The following FGF12 variants were observed in gnomAD, a reference collection of about 807,000 sequenced individuals.
FGF12 encodes the protein fibroblast growth factor 12B.
Under a neutral mutation model 23.6 loss-of-function variants are expected in FGF12, and 14 were observed. The ratio of observed to expected loss-of-function variants is 0.59; its 90% CI spans 0.39 to 0.93. FGF12 has a LOEUF of 0.93. FGF12 is among the 40% of genes least tolerant of loss of function. The pLI is 0.00. For missense variants in FGF12, 175 were observed against 217.8 expected (o/e 0.80, Z 1.24); for synonymous variants, 62 against 77.3 (o/e 0.80, Z 1.04).
chr3:192,234,667 A>G (rs1457378829), intron 4 of FGF12, among the ~76,000 whole-genome samples: 1 of 151,946 alleles, frequency 6.6e-6, no homozygotes, highest in African/African-American at 2.4e-5. Flanking sequence ...GATGCTGGCC[A>G]TGGGTTTGTC....
At chr3:192,619,226 T>C (rs1381333022) in intron 2 of FGF12, among the ~76,000 whole-genome samples, 2 of 152,004 alleles carry the variant, frequency 1.3e-5, no homozygotes, top group Non-Finnish European at 2.9e-5. Context: ...TATTCCTCCT[T>C]CCTCCCCTGA....
At chr3:192,473,619 T>G (rs1373484732) in intron 2 of FGF12, among the ~76,000 whole-genome samples, 1 of 152,194 alleles carries the variant, frequency 6.6e-6, no homozygotes, top group East Asian at 1.9e-4. Context: ...GTATTTTGGG[T>G]TACTGTCCTG....
chr3:192,377,028 T>TC (rs1469505071), intron 2 of FGF12, among the ~76,000 whole-genome samples: 2 of 152,230 alleles, frequency 1.3e-5, no homozygotes, highest in African/African-American at 4.8e-5. Flanking sequence ...AGACTGGAAT[T>TC]CCAACTTAAC....
chr3:192,660,679 A>C (rs1716631417), intron 2 of FGF12, among the ~76,000 whole-genome samples: 1 of 152,206 alleles, frequency 6.6e-6, no homozygotes, highest in Non-Finnish European at 1.5e-5. Flanking sequence ...TCAGAGCCAA[A>C]GAAGTATCTT....
At chr3:192,527,383 C>T (rs1332831554) in intron 2 of FGF12, among the ~76,000 whole-genome samples, 2 of 152,122 alleles carry the variant, frequency 1.3e-5, no homozygotes, top group Non-Finnish European at 2.9e-5. Flanking sequence ...AGACAAAGAC[C>T]TGGGAGAAGA....
intron 2 of FGF12, among the ~76,000 whole-genome samples, chr3:192,568,932 G>T (rs1001859281): frequency 6.6e-6 from 1 of 152,084 alleles, no homozygotes; most frequent in Non-Finnish European, 1.5e-5. Flanking sequence ...CAACTTAAGG[G>T]TGTCCTTCAT....
intron 4 of FGF12, among the ~76,000 whole-genome samples, chr3:192,199,036 T>G (rs1717223936): frequency 6.6e-6 from 1 of 152,244 alleles, no homozygotes; most frequent in South Asian, 2.1e-4. Context: ...GTAAGCTAAT[T>G]TAGCTCTTCT....
chr3:192,421,230 T>A (rs1721517927), intron 2 of FGF12, among the ~76,000 whole-genome samples: 1 of 152,118 alleles, frequency 6.6e-6, no homozygotes, highest in Admixed American at 6.5e-5. Flanking sequence ...CCTCTGTACA[T>A]CAATTTACTC....
intron 5 of FGF12, among the ~76,000 whole-genome samples, chr3:192,150,772 TGG>T (rs1394879461): frequency 6.8e-6 from 1 of 147,780 alleles, no homozygotes; most frequent in Non-Finnish European, 1.5e-5. Flanking sequence ...TTTGCTCTTT[TGG>T]CTTAGGATTG....
chr3:192,533,351 G>A (rs918664262), intron 2 of FGF12, among the ~76,000 whole-genome samples: 2 of 152,118 alleles, frequency 1.3e-5, no homozygotes, highest in African/African-American at 4.8e-5. Context: ...GGGGAACAAG[G>A]TGGTATTTTT....
chr3:192,545,018 T>A lies in FGF12; in HGVS notation c.13+182163A>T, dbSNP rs552060900. ...TGAGATAGCTTAAGGAGAACTTGAA[T>A]AATCAGTAAGCTGGTACAAAGACTC... is the stretch of plus-strand genomic sequence containing the variant. On this transcript the variant is annotated intron_variant, in intron 2 of 5. Transcript: ENST00000445105. 3.9e-5 allele frequency among the ~76,000 whole-genome samples: 6 copies of A among 152,266 alleles called. No individual in the cohort carries two copies. The East Asian group carries it at 1.2e-3, about 29-fold the overall frequency.
intron 3 of FGF12, among the ~76,000 whole-genome samples, chr3:192,341,548 A>G (rs1439693570): frequency 1.3e-5 from 2 of 152,110 alleles, no homozygotes; most frequent in Non-Finnish European, 2.9e-5. Context: ...CTAAATACTC[A>G]ATTTTGCATC....
rs1713483632 is a variant in FGF12, at chr3:192,142,977, C to A, written c.*1032G>T. 6.6e-6 allele frequency: 1 copy of A among 151,966 alleles called. No individual in the cohort carries two copies. 9.4% of individuals were successfully genotyped at this position (151,966 alleles called of 1,614,324 possible). ...ATTTGCGTTGACTAATTTCCTAGGA[C>A]TTATTTCCTTATGTAAAACCCCTGT... On this transcript the variant is annotated 3_prime_UTR_variant, in exon 6 of 6. Transcript: ENST00000445105.
intron 2 of FGF12, among the ~76,000 whole-genome samples, chr3:192,500,445 C>CCCA (rs1553822205): frequency 9.2e-5 from 14 of 151,774 alleles, no homozygotes; most frequent in African/African-American, 3.4e-4. Context: ...CATCCCCCCA[C>CCCA]CCGCCACACA....
intron 2 of FGF12, among the ~76,000 whole-genome samples, chr3:192,596,006 T>C (rs897585495): frequency 2.6e-5 from 4 of 151,612 alleles, no homozygotes; most frequent in Non-Finnish European, 5.9e-5. Context: ...GGTGGGAGGA[T>C]GGCTTGAGCC....
chr3:192,172,550 G>A (rs374190130), intron 4 of FGF12, among the ~76,000 whole-genome samples: 3 of 150,876 alleles, frequency 2.0e-5, no homozygotes, highest in African/African-American at 7.3e-5. Context: ...TTAAGTAAAT[G>A]AACTACTAGC....
intron 2 of FGF12, among the ~76,000 whole-genome samples, chr3:192,421,479 A>G (rs1397550412): frequency 6.6e-6 from 1 of 152,118 alleles, no homozygotes; most frequent in South Asian, 2.1e-4. Flanking sequence ...AGCATGGAAC[A>G]CTATGCAGCC....
rs537008920 is a variant in FGF12 at position 192,277,255 on chromosome 3, A to G, written c.228+58106T>C. 9.8e-5 allele frequency among the ~76,000 whole-genome samples: 15 copies of G among 152,312 alleles called. No individual in the cohort carries two copies. In the East Asian group the frequency reaches 2.7e-3, roughly 27 times the overall value. On this transcript the variant is annotated intron_variant, in intron 4 of 5. Coordinates refer to ENST00000445105, the MANE Select transcript of FGF12 (RefSeq NM_004113.6). The stretch of plus-strand genomic sequence containing the variant: ...TGTTTCTAAGTGAAGATATTATCTC[A>G]AGTTTATTCAGATTTTAGAGATATG...
intron 4 of FGF12, among the ~76,000 whole-genome samples, chr3:192,187,328 AAAC>A (rs1294164985): frequency 2.0e-5 from 3 of 152,196 alleles, no homozygotes; most frequent in African/African-American, 7.2e-5. Context: ...AATTTATCAT[AAAC>A]AGGTCAGTAA....
Sources: allele counts gnomAD v4.1 joint callset (sites outside exome capture counted in the v4.1 genomes callset), GRCh38; gene constraint gnomAD v4.1.1; transcripts MANE v1.5; gene names NCBI Gene and HGNC (gene_info 2026-07-23, HGNC 2026-07-21).